Variants in COL4A2 observed in about 807,000 individuals in gnomAD.
COL4A2 encodes the protein collagen type IV alpha 2 chain.
Under a neutral mutation model 200.2 loss-of-function variants are expected in COL4A2, and 99 were observed. That is an observed-to-expected ratio of 0.49 (90% confidence interval 0.42 to 0.58). The LOEUF (loss-of-function observed/expected upper bound fraction) is 0.58. COL4A2 is among the 20% of genes least tolerant of loss of function. The probability of loss-of-function intolerance (pLI) is 0.00; values close to 1 mark genes in which losing one functional copy is unlikely to be tolerated. For missense variants in COL4A2, 1,950 were observed against 2,314.1 expected (o/e 0.84, Z 3.23); for synonymous variants, 897 against 900.6 (o/e 1.00, Z 0.07).
intron 4 of COL4A2, among the ~76,000 whole-genome samples, chr13:110,408,639 A>C (rs1879669981): frequency 1.3e-5 from 2 of 152,192 alleles, no homozygotes; most frequent in Non-Finnish European, 2.9e-5. Flanking sequence ...CTGGTGTGGA[A>C]GGCCTTTCAT....
intron 3 of COL4A2, among the ~76,000 whole-genome samples, chr13:110,338,436 G>GC (rs1245404919): frequency 2.5e-5 from 1 of 40,160 alleles, no homozygotes; most frequent in Non-Finnish European, 7.0e-5. Flanking sequence ...GTTGTGTGTG[G>GC]GGGGGGGTGG....
chr13:110,420,195 C>T (rs74124309), intron 4 of COL4A2, among the ~76,000 whole-genome samples: 61 of 152,300 alleles, frequency 4.0e-4, no homozygotes, highest in African/African-American at 1.5e-3. Flanking sequence ...TCTGAGTGCA[C>T]CCCGGCCAGC....
chr13:110,342,747 T>A (rs1484793906), intron 3 of COL4A2, among the ~76,000 whole-genome samples: 1 of 152,044 alleles, frequency 6.6e-6, no homozygotes, highest in Non-Finnish European at 1.5e-5. Flanking sequence ...GCAAATCAAG[T>A]TTCTCCCAAA....
Position 110,486,701 on chromosome 13 carries a change from C to T in COL4A2, c.3207+865C>T, listed in dbSNP as rs550798873. On this transcript the variant is annotated intron_variant, in intron 34 of 47. Transcript: ENST00000360467. The stretch of plus-strand genomic sequence containing the variant: ...AGGCTGAGTCTGAAAAGAGAGTCAG[C>T]GAAGGGAGATAGGGGTGGGGCCGTT... Among the ~76,000 whole-genome samples the T allele has an allele frequency of 6.0e-5, 9 of 150,930 alleles. No individual in the cohort carries two copies. The South Asian group carries it at 1.0e-3, about 18-fold the overall frequency.
chr13:110,422,737 C>A (rs1370021016), intron 4 of COL4A2, among the ~76,000 whole-genome samples: 1 of 152,122 alleles, frequency 6.6e-6, no homozygotes, highest in Non-Finnish European at 1.5e-5. Context: ...TAGCTTCCAC[C>A]CCAAAAAATC....
At chr13:110,464,786 C>T (rs1004436638) in intron 24 of COL4A2, among the ~76,000 whole-genome samples, 5 of 152,156 alleles carry the variant, frequency 3.3e-5, no homozygotes, top group African/African-American at 1.2e-4. Flanking sequence ...CGAGCCGTGC[C>T]GTGGTGTGTG....
intron 3 of COL4A2, among the ~76,000 whole-genome samples, chr13:110,346,560 G>A (rs151043582): frequency 0.011 from 1,628 of 152,224 alleles, 15 homozygotes; most frequent in East Asian, 0.046. Context: ...GCACCCTCCA[G>A]TGCTCCGAGA....
At chr13:110,480,109 T>C in intron 30 of COL4A2, 111 bp from the exon 31 acceptor site, 1 of 1,228,008 alleles carries the variant, frequency 8.1e-7, no homozygotes, top group Non-Finnish European at 1.1e-6. Context: ...GGTTTTCCAC[T>C]TTCCTTCTAA....
chr13:110,365,544 A>G (rs1455452068), intron 4 of COL4A2, among the ~76,000 whole-genome samples: 1 of 152,222 alleles, frequency 6.6e-6, no homozygotes, highest in Non-Finnish European at 1.5e-5. Flanking sequence ...GGTAGGGCAC[A>G]TGACTTCTTT....
At chr13:110,378,197 G>A (rs2139407981) in intron 4 of COL4A2, among the ~76,000 whole-genome samples, 1 of 152,314 alleles carries the variant, frequency 6.6e-6, no homozygotes, top group South Asian at 2.1e-4. Flanking sequence ...GATGCATGCA[G>A]CTTTAATTGT....
chr13:110,509,414 T>C (rs924050502), intron 47 of COL4A2, among the ~76,000 whole-genome samples: 1 of 151,984 alleles, frequency 6.6e-6, no homozygotes, highest in African/African-American at 2.4e-5. Flanking sequence ...ATAGGTATCG[T>C]TGCTATGATA....
chr13:110,463,194 CCT>C (rs1248022082), intron 24 of COL4A2: 1 of 153,294 alleles, frequency 6.5e-6, no homozygotes, highest in African/African-American at 2.4e-5. Flanking sequence ...TCTGTCCCTG[CCT>C]CTCTCCCAGG....
chr13:110,496,873 A>C (rs1410493637), intron 40 of COL4A2, among the ~76,000 whole-genome samples: 1 of 149,822 alleles, frequency 6.7e-6, no homozygotes, highest in Non-Finnish European at 1.5e-5. Context: ...GGGTCAGTCC[A>C]CCAGCACAGC....
At chr13:110,468,906 G>A (rs1034536150) in intron 27 of COL4A2, among the ~76,000 whole-genome samples, 29 of 152,092 alleles carry the variant, frequency 1.9e-4, no homozygotes, top group Admixed American at 1.4e-3. Flanking sequence ...AGTTGTCCAC[G>A]GTCACACAGA....
chr13:110,458,750 C>G, intron 21 of COL4A2, 21 bp from the exon 22 acceptor site: 12 of 1,613,594 alleles, frequency 7.4e-6, no homozygotes, highest in Non-Finnish European at 1.0e-5. Flanking sequence ...ACAAGGAGGC[C>G]CTCCTCTCCC....
chr13:110,419,006 C>T (rs916602139), intron 4 of COL4A2, among the ~76,000 whole-genome samples: 2 of 152,152 alleles, frequency 1.3e-5, no homozygotes, highest in Non-Finnish European at 2.9e-5. Flanking sequence ...GGACATTTTA[C>T]GTATTTGAAA....
At chr13:110,427,420 G>A (rs1486635537) in intron 6 of COL4A2, among the ~76,000 whole-genome samples, 1 of 152,156 alleles carries the variant, frequency 6.6e-6, no homozygotes, top group Admixed American at 6.5e-5. Context: ...AAAGTGCTGG[G>A]ATTACAGGTA....
chr13:110,364,193 G>A (rs1010012588), intron 4 of COL4A2, among the ~76,000 whole-genome samples: 3 of 152,192 alleles, frequency 2.0e-5, no homozygotes, highest in African/African-American at 4.8e-5. Context: ...GTCAGAAATA[G>A]CAAAAACACC....
At position 110,353,898 on chromosome 13, in the gene COL4A2, A is replaced by G. The variant is rs574297317; in HGVS notation, c.100-3574A>G. Among the ~76,000 whole-genome samples, 4 of 152,332 alleles carry G rather than the reference A, an allele frequency of 2.6e-5. No individual in the cohort carries two copies. The South Asian group carries it at 8.3e-4, about 32-fold the overall frequency. On this transcript the variant is annotated intron_variant, in intron 3 of 47. Transcript: ENST00000360467. The stretch of plus-strand genomic sequence containing the variant: ...TCCCTCACAATATAGCACTGGAGCC[A>G]TCGGTACATGTAGAAAAGTGTTACT...
Sources: gnomAD v4.1 joint callset for allele counts (sites outside exome capture counted in the v4.1 genomes callset) on GRCh38, gnomAD v4.1.1 for gene constraint, MANE v1.5 for transcripts, NCBI Gene and HGNC (gene_info 2026-07-23, HGNC 2026-07-21) for gene names.